Variants in CSNK1G1 observed in about 807,000 individuals in gnomAD.
The protein encoded by CSNK1G1 is casein kinase 1 gamma 1, also known as casein kinase I isoform gamma-1.
A neutral mutation model predicts 59.6 loss-of-function variants in CSNK1G1; 22 were observed. The observed-to-expected ratio is 0.37, with a 90% CI of 0.26 to 0.53. CSNK1G1 has a LOEUF of 0.53. CSNK1G1 is among the 20% of genes least tolerant of loss of function. The pLI is 0.89. For synonymous variants in CSNK1G1, 179 were observed against 177.1 expected (o/e 1.01, Z -0.08); for missense variants, 384 against 519.5 (o/e 0.74, Z 2.54).
chr15:64,295,047 T>C (rs1480817034), intron 2 of CSNK1G1, among the ~76,000 whole-genome samples: 1 of 151,976 alleles, frequency 6.6e-6, no homozygotes, highest in South Asian at 2.1e-4. Flanking sequence ...CTGGCTAACA[T>C]GGTGAAACCC....
chr15:64,252,631 G>A (rs1002447358), intron 3 of CSNK1G1, among the ~76,000 whole-genome samples: 2 of 152,064 alleles, frequency 1.3e-5, no homozygotes, highest in Non-Finnish European at 2.9e-5. Context: ...CCAATATTAT[G>A]AACAATGCTT....
At chr15:64,221,637 AT>A (rs2082389698) in intron 4 of CSNK1G1, among the ~76,000 whole-genome samples, 1 of 151,220 alleles carries the variant, frequency 6.6e-6, no homozygotes, top group African/African-American at 2.4e-5. Context: ...TAGATCTAGT[AT>A]TTGCTTCTGC....
At chr15:64,177,707 A>G (rs2140205597) in intron 11 of CSNK1G1, among the ~76,000 whole-genome samples, 1 of 152,356 alleles carries the variant, frequency 6.6e-6, no homozygotes, top group South Asian at 2.1e-4. Flanking sequence ...TGTGTGAATG[A>G]GCCCATATCT....
chr15:64,196,891 G>C (rs929633495), intron 10 of CSNK1G1, among the ~76,000 whole-genome samples: 1 of 151,794 alleles, frequency 6.6e-6, no homozygotes, highest in East Asian at 1.9e-4. Flanking sequence ...AAACAAAAAC[G>C]AGTAGGAAGA....
At chr15:64,336,980 C>A (rs1596294375) in intron 1 of CSNK1G1, among the ~76,000 whole-genome samples, 1 of 152,230 alleles carries the variant, frequency 6.6e-6, no homozygotes, top group East Asian at 1.9e-4. Flanking sequence ...GTAATCCCAG[C>A]ACTTCAGGAG....
chr15:64,300,791 C>A, intron 1 of CSNK1G1, 68 bp from the exon 2 acceptor site: 1 of 983,152 alleles, frequency 1.0e-6, no homozygotes, highest in Non-Finnish European at 1.3e-6. Context: ...AAGTCACTAC[C>A]AATTAGAATG....
chr15:64,315,183 CAT>C (rs1156631867), intron 1 of CSNK1G1, among the ~76,000 whole-genome samples: 1 of 152,154 alleles, frequency 6.6e-6, no homozygotes, highest in African/African-American at 2.4e-5. Flanking sequence ...GTTGTGAAAA[CAT>C]AAATTAGAAG....
chr15:64,241,095 C>T (rs1316261951), intron 4 of CSNK1G1, among the ~76,000 whole-genome samples: 1 of 152,084 alleles, frequency 6.6e-6, no homozygotes, highest in African/African-American at 2.4e-5. Context: ...TGATAAAAAA[C>T]GATGACCCAA....
Position 64,340,847 on chromosome 15 carries a change from CT to C in CSNK1G1, c.-225+15140del, listed in dbSNP as rs1324008243. ...TGGTGTGTGCCTGTGGTCTCAGCTACTTAGGAGGCTGAGGTGGGAGGATCAC... is the reference window on the plus strand; with the variant it reads ...TGGTGTGTGCCTGTGGTCTCAGCTACTAGGAGGCTGAGGTGGGAGGATCAC... On this transcript the variant is annotated intron_variant, in intron 1 of 11. Transcript: ENST00000303052. Among the ~76,000 whole-genome samples the C allele has an allele frequency of 2.0e-5, 3 of 152,126 alleles. No individual in the cohort carries two copies. The East Asian group carries it at 5.8e-4, about 29-fold the overall frequency.
intron 11 of CSNK1G1, among the ~76,000 whole-genome samples, chr15:64,174,486 G>A (rs1321497753): frequency 6.6e-6 from 1 of 152,210 alleles, no homozygotes; most frequent in Admixed American, 6.5e-5. Context: ...CTATTAAACT[G>A]GGTCAGACTC....
At chr15:64,267,907 G>A (rs1276745634) in intron 2 of CSNK1G1, among the ~76,000 whole-genome samples, 3 of 151,992 alleles carry the variant, frequency 2.0e-5, no homozygotes, top group Non-Finnish European at 4.4e-5. Context: ...TTGAGCCCAG[G>A]AGTTCAAGAC....
intron 4 of CSNK1G1, among the ~76,000 whole-genome samples, chr15:64,232,343 C>T (rs1312297238): frequency 6.6e-6 from 1 of 152,106 alleles, no homozygotes; most frequent in African/African-American, 2.4e-5. Flanking sequence ...GCTTAGCTAG[C>T]AGCTAGATTA....
intron 1 of CSNK1G1, among the ~76,000 whole-genome samples, chr15:64,311,321 C>T (rs1246711471): frequency 1.3e-5 from 2 of 152,158 alleles, no homozygotes; most frequent in East Asian, 1.9e-4. Context: ...GCTGGGATTA[C>T]AGGCATGAGC....
intron 1 of CSNK1G1, among the ~76,000 whole-genome samples, chr15:64,312,847 A>G (rs1896068285): frequency 1.3e-5 from 2 of 152,198 alleles, no homozygotes; most frequent in African/African-American, 2.4e-5. Flanking sequence ...AATTTTTGCA[A>G]TCTATCCATC....
chr15:64,279,237 C>T (rs764891860), intron 2 of CSNK1G1, among the ~76,000 whole-genome samples: 3 of 152,176 alleles, frequency 2.0e-5, no homozygotes, highest in Non-Finnish European at 4.4e-5. Flanking sequence ...GGAAAGAGAA[C>T]ATTTTCAGCA....
intron 2 of CSNK1G1, among the ~76,000 whole-genome samples, chr15:64,297,321 G>T (rs998983298): frequency 6.6e-6 from 1 of 151,972 alleles, no homozygotes; most frequent in African/African-American, 2.4e-5. Flanking sequence ...ATAAGCTGAG[G>T]CCTAAAGGAT....
intron 2 of CSNK1G1, among the ~76,000 whole-genome samples, chr15:64,272,869 C>T (rs983130738): frequency 9.2e-5 from 14 of 151,992 alleles, no homozygotes; most frequent in African/African-American, 2.9e-4. Flanking sequence ...TGCACCACCA[C>T]ATCCAGCTAA....
intron 1 of CSNK1G1, among the ~76,000 whole-genome samples, chr15:64,327,429 T>G (rs371369379): frequency 2.0e-5 from 3 of 150,224 alleles, no homozygotes; most frequent in Non-Finnish European, 3.0e-5. Context: ...CACCTCACAC[T>G]GCAGGGTATT....
chr15:64,303,916 C>A (rs1451585761), intron 1 of CSNK1G1, among the ~76,000 whole-genome samples: 58 of 95,154 alleles, frequency 6.1e-4, no homozygotes, highest in African/African-American at 2.0e-3. Context: ...AGGCCCTGTC[C>A]AAAAAAAAAA....
Sources: gnomAD v4.1 joint callset for allele counts (sites outside exome capture counted in the v4.1 genomes callset) on GRCh38, gnomAD v4.1.1 for gene constraint, MANE v1.5 for transcripts, NCBI Gene and HGNC (gene_info 2026-07-23, HGNC 2026-07-21) for gene names.